Variants in NHSL2 observed in about 807,000 individuals in gnomAD.
NHSL2 encodes NHS-like protein 2.
Under a neutral mutation model 53.4 loss-of-function variants are expected in NHSL2, and 27 were observed. The observed-to-expected ratio is 0.51, with a 90% CI of 0.37 to 0.70. The LOEUF (loss-of-function observed/expected upper bound fraction) is 0.70. Among genes scored for constraint, NHSL2 ranks in the 30% least tolerant of loss-of-function variants. The probability of loss-of-function intolerance (pLI) is 0.00; values close to 1 mark genes in which losing one functional copy is unlikely to be tolerated. For synonymous variants in NHSL2, 408 were observed against 404.1 expected (o/e 1.01, Z -0.12); for missense variants, 892 against 980.1 (o/e 0.91, Z 1.20).
intron 1 of NHSL2, among the ~76,000 whole-genome samples, chrX:71,922,720 G>A (rs1480040099): frequency 8.9e-6 from 1 of 112,401 alleles, no homozygotes; most frequent in Non-Finnish European, 1.9e-5. Context: ...GGTGTGTTCA[G>A]GAAGAGTTCC....
chrX:71,930,950 C>T (rs2041709789), intron 1 of NHSL2, among the ~76,000 whole-genome samples: 1 of 112,390 alleles, frequency 8.9e-6, no homozygotes, highest in Non-Finnish European at 1.9e-5. Flanking sequence ...AGTAACTCTA[C>T]ATCTAACTTT....
chrX:72,093,699 A>G (rs769600104), intron 1 of NHSL2, among the ~76,000 whole-genome samples: 6 of 105,870 alleles, frequency 5.7e-5, no homozygotes, highest in Non-Finnish European at 7.7e-5. Context: ...GTGTGTGAAT[A>G]TTCCCCTAGT....
intron 1 of NHSL2, among the ~76,000 whole-genome samples, chrX:72,006,660 C>T (rs1374621782): frequency 1.8e-5 from 2 of 112,491 alleles, no homozygotes; most frequent in Admixed American, 9.4e-5. Flanking sequence ...TCAAATGAGC[C>T]TCCTGCCTCA....
intron 1 of NHSL2, among the ~76,000 whole-genome samples, chrX:72,122,415 T>G: frequency 8.9e-6 from 1 of 112,864 alleles, no homozygotes; most frequent in Non-Finnish European, 1.9e-5. Context: ...GATGATTCAA[T>G]GGGTTAAGAA....
chrX:72,055,330 G>A (rs768126850), intron 1 of NHSL2, among the ~76,000 whole-genome samples: 2 of 112,073 alleles, frequency 1.8e-5, no homozygotes, highest in African/African-American at 6.5e-5. Context: ...GAACGCGAGC[G>A]CTAAATTACT....
chrX:71,969,712 ATAT>A, intron 1 of NHSL2, among the ~76,000 whole-genome samples: 1 of 112,827 alleles, frequency 8.9e-6, no homozygotes. Flanking sequence ...ATACAAGGTC[ATAT>A]TATCTACAAA....
chrX:72,081,719 C>A (rs1483954719), intron 1 of NHSL2, among the ~76,000 whole-genome samples: 1 of 112,601 alleles, frequency 8.9e-6, no homozygotes, highest in African/African-American at 3.2e-5. Context: ...TATTTCTCTT[C>A]TCTATTGCCT....
intron 1 of NHSL2, among the ~76,000 whole-genome samples, chrX:71,968,501 T>C (rs1459937323): frequency 8.9e-6 from 1 of 112,529 alleles, no homozygotes; most frequent in Non-Finnish European, 1.9e-5. Flanking sequence ...TGCCCTTTTT[T>C]GTATGGCATC....
At position 72,045,619 on chromosome X, in the gene NHSL2, C is replaced by T. The variant is rs920377240; in HGVS notation, c.281-86460C>T. ...TACCACTTTCTGAGGAGGGAACCCC[C>T]CAGTCCCCGGTCAGACTGGATTCAC... On this transcript the variant is annotated intron_variant, in intron 1 of 7. Transcript: ENST00000633930. 1.1e-4 allele frequency among the ~76,000 whole-genome samples: 12 copies of T among 112,097 alleles called. No individual in the cohort carries two copies. The East Asian group carries it at 1.4e-3, about 13-fold the overall frequency.
chrX:71,987,307 G>C (rs1270095521), intron 1 of NHSL2, among the ~76,000 whole-genome samples: 1 of 112,584 alleles, frequency 8.9e-6, no homozygotes, highest in African/African-American at 3.2e-5. Context: ...GAAAAGCTTG[G>C]CTAGTAAGCC....
intron 1 of NHSL2, among the ~76,000 whole-genome samples, chrX:72,028,147 A>C (rs1183859430): frequency 8.9e-6 from 1 of 112,634 alleles, no homozygotes; most frequent in East Asian, 2.8e-4. Context: ...AATGGGATTC[A>C]GTCTGCTCCA....
intron 1 of NHSL2, among the ~76,000 whole-genome samples, chrX:72,070,153 G>A (rs1490518292): frequency 4.5e-5 from 5 of 110,400 alleles, no homozygotes; most frequent in East Asian, 2.8e-4. Flanking sequence ...TCAAACCTTC[G>A]TCTCCCCCCA....
intron 1 of NHSL2, among the ~76,000 whole-genome samples, chrX:71,977,132 G>A (rs1393435845): frequency 8.9e-6 from 1 of 111,956 alleles, no homozygotes; most frequent in African/African-American, 3.2e-5. Context: ...GCAAGATGAG[G>A]TTAGCATAGC....
At chrX:72,129,876 C>T (rs748535162) in intron 1 of NHSL2, 4 of 1,203,837 alleles carry the variant, frequency 3.3e-6, no homozygotes, top group African/African-American at 3.5e-5. Context: ...CCCCCTGTCT[C>T]GGAGTGAGGC....
intron 1 of NHSL2, among the ~76,000 whole-genome samples, chrX:71,965,777 T>G (rs2041898332): frequency 8.9e-6 from 1 of 112,534 alleles, no homozygotes; most frequent in South Asian, 3.6e-4. Flanking sequence ...TTATTTGATT[T>G]CTTTCATCAT....
intron 1 of NHSL2, among the ~76,000 whole-genome samples, chrX:72,088,977 C>T (rs1028696352): frequency 3.6e-5 from 4 of 111,871 alleles, no homozygotes; most frequent in Non-Finnish European, 7.5e-5. Context: ...AGCTTGCCAT[C>T]AGAATGCTGA....
intron 1 of NHSL2, among the ~76,000 whole-genome samples, chrX:72,028,252 T>C (rs1327436307): frequency 2.7e-5 from 3 of 111,961 alleles, no homozygotes; most frequent in Non-Finnish European, 5.6e-5. Flanking sequence ...TTTTAGCTTT[T>C]AAGGACTTCA....
intron 1 of NHSL2, chrX:72,131,560 C>T (rs753296835): frequency 5.2e-6 from 6 of 1,147,852 alleles, no homozygotes; most frequent in Non-Finnish European, 6.9e-6. Context: ...CCCAGGGGCC[C>T]TGGGGCTCCG....
chrX:71,955,580 G>T (rs2041839323), intron 1 of NHSL2, among the ~76,000 whole-genome samples: 1 of 110,291 alleles, frequency 9.1e-6, no homozygotes, highest in Admixed American at 9.7e-5. Flanking sequence ...AGGCATCTTT[G>T]TTTCCCACTA....
Sources: gnomAD v4.1 joint callset for allele counts (sites outside exome capture counted in the v4.1 genomes callset) on GRCh38, gnomAD v4.1.1 for gene constraint, MANE v1.5 for transcripts, NCBI Gene and HGNC (gene_info 2026-07-23, HGNC 2026-07-21) for gene names.